NEDD9: variants seen among roughly 807,000 people sequenced by gnomAD.
The protein encoded by NEDD9 is enhancer of filamentation 1.
NEDD9 carries 26 observed loss-of-function variants against 76.6 expected under a neutral mutation model. The observed-to-expected ratio is 0.34, with a 90% CI of 0.25 to 0.47. The LOEUF is 0.47. Ranked by LOEUF, NEDD9 falls within the 20% of genes least tolerant of loss-of-function variation. The pLI is 1.00. For missense variants in NEDD9, 937 were observed against 1,058.5 expected (o/e 0.89, Z 1.59); for synonymous variants, 392 against 414.2 (o/e 0.95, Z 0.65).
Position 11,355,977 on chromosome 6 carries a change from T to C in NEDD9, c.-213-21416A>G, listed in dbSNP as rs1295323077. Among the ~76,000 whole-genome samples the C allele has an allele frequency of 2.6e-5, 4 of 152,284 alleles. No individual in the cohort carries two copies. In the East Asian group the frequency reaches 7.7e-4, roughly 29 times the overall value. On this transcript the variant is annotated intron_variant, in intron 1 of 3. Coordinates refer to the NEDD9 transcript ENST00000397378. ...ACCTCGTGATCTGCCCACCTTGGCC[T>C]CCCAAAGTCCTGGGATTGCAGGCGT...
intron 6 of NEDD9, among the ~76,000 whole-genome samples, chr6:11,187,547 AAG>A (rs151140554): frequency 1.7e-4 from 25 of 150,272 alleles, no homozygotes; most frequent in Middle Eastern, 3.4e-3. Context: ...TAGAGACAGA[AAG>A]AGAGAGAGAG....
intron 1 of NEDD9, among the ~76,000 whole-genome samples, chr6:11,347,525 T>C (rs930026390): frequency 6.6e-6 from 1 of 152,144 alleles, no homozygotes; most frequent in Non-Finnish European, 1.5e-5. Flanking sequence ...ATATCCTTGA[T>C]GAACATTGAT....
At chr6:11,354,963 C>T (rs764081041) in intron 1 of NEDD9, among the ~76,000 whole-genome samples, 1 of 152,202 alleles carries the variant, frequency 6.6e-6, no homozygotes, top group African/African-American at 2.4e-5. Context: ...TGAGGTGGAG[C>T]CCCTGTATCC....
chr6:11,231,610 T>G (rs1338793868), intron 1 of NEDD9, among the ~76,000 whole-genome samples: 1 of 152,232 alleles, frequency 6.6e-6, no homozygotes, highest in Non-Finnish European at 1.5e-5. Context: ...CTCATGTCTA[T>G]TCATCATTCA....
chr6:11,265,659 G>A (rs1254738130), intron 3 of NEDD9, among the ~76,000 whole-genome samples: 1 of 152,164 alleles, frequency 6.6e-6, no homozygotes, highest in Non-Finnish European at 1.5e-5. Flanking sequence ...TGGAGAGCAA[G>A]GAATCAGGGG....
chr6:11,198,205 A>G lies in NEDD9; in HGVS notation c.460-4513T>C, dbSNP rs182032709. ...GAAACCTGGTTTTCAAAATTGACTT[A>G]AATTTTAAAAACAGTGTCTTGGCCA... On this transcript the variant is annotated intron_variant, in intron 2 of 6. Coordinates refer to ENST00000379446, the MANE Select transcript of NEDD9 (RefSeq NM_006403.4). This position sits in a 1 kb window ranked among gnomAD's most constrained non-coding sequence, Gnocchi z 4.7. 3.9e-4 allele frequency: 60 copies of G among 152,324 alleles called. No individual in the cohort carries two copies. The highest frequency in any genetic ancestry group is 1.4e-3 in the African/African-American group (59 of 41,580). 9.4% of individuals were successfully genotyped at this position (152,324 alleles called of 1,614,324 possible). A position where few individuals can be genotyped will look rare whatever the true frequency, so the allele number is the denominator to read the frequency against.
intron 3 of NEDD9, chr6:11,271,831 AGCT>A (rs1760314252): frequency 6.6e-6 from 1 of 152,120 alleles, no homozygotes; most frequent in African/African-American, 2.4e-5. Flanking sequence ...CATTTTCTCC[AGCT>A]GTTGTTGGTA....
rs77754810 is a variant in NEDD9 at position 11,332,171 on chromosome 6, T to C, written c.-153+2330A>G. Among the ~76,000 whole-genome samples the C allele has an allele frequency of 4.2e-3, 638 of 152,334 alleles. 7 individuals are homozygous for C. Among genetic ancestry groups the C allele is most frequent in the African/African-American group, 0.015 (607 of 41,576 alleles). ...CCCTAAGAGGAAAAGTAAGGCAAGATCTATGAAATGTCCTTGATCTTTTTG... is the reference window on the plus strand; with the variant it reads ...CCCTAAGAGGAAAAGTAAGGCAAGACCTATGAAATGTCCTTGATCTTTTTG... On this transcript the variant is annotated intron_variant, in intron 2 of 3. Coordinates refer to the NEDD9 transcript ENST00000397378.
intron 3 of NEDD9, among the ~76,000 whole-genome samples, chr6:11,280,050 T>C (rs1468040956): frequency 5.9e-5 from 9 of 152,180 alleles, no homozygotes. Context: ...TCATTCTTCA[T>C]GGTGGGGGCT....
At chr6:11,318,155 A>G (rs1225608939) in intron 2 of NEDD9, among the ~76,000 whole-genome samples, 1 of 152,206 alleles carries the variant, frequency 6.6e-6, no homozygotes, top group Non-Finnish European at 1.5e-5. Context: ...AGACGCAGAC[A>G]GGAACCACAC....
Position 11,205,202 on chromosome 6 carries a change from C to A in NEDD9, c.459+8079G>T, listed in dbSNP as rs546724848. On this transcript the variant is annotated intron_variant, in intron 2 of 6. Transcript: ENST00000379446. ...TCAGCAAGTGAATTTCCTTCTCAGACCTCAGTTCCCTCCTCTGAACAGCAA... is the reference window on the plus strand; with the variant it reads ...TCAGCAAGTGAATTTCCTTCTCAGAACTCAGTTCCCTCCTCTGAACAGCAA... Among the ~76,000 whole-genome samples, 134 of 152,336 alleles carry A rather than the reference C, an allele frequency of 8.8e-4. 1 individual carries two copies. In the South Asian group the frequency reaches 0.023, roughly 26 times the overall value.
At chr6:11,374,710 C>G (rs549426244) in intron 1 of NEDD9, among the ~76,000 whole-genome samples, 14 of 152,324 alleles carry the variant, frequency 9.2e-5, no homozygotes, top group African/African-American at 3.1e-4. Context: ...CAGGATCAAG[C>G]AAAGTGATGG....
chr6:11,315,957 A>G (rs1761542552), intron 2 of NEDD9, among the ~76,000 whole-genome samples: 1 of 152,236 alleles, frequency 6.6e-6, no homozygotes, highest in Admixed American at 6.5e-5. Flanking sequence ...GGTAAAAGGC[A>G]GGGTTATAAG....
chr6:11,332,614 GT>G (rs1561838161), intron 2 of NEDD9, among the ~76,000 whole-genome samples: 1 of 152,210 alleles, frequency 6.6e-6, no homozygotes, highest in Admixed American at 6.5e-5. Context: ...TTTGCACTCT[GT>G]GCTTAACTTG....
At chr6:11,357,242 A>G (rs1424832015) in intron 1 of NEDD9, among the ~76,000 whole-genome samples, 2 of 152,064 alleles carry the variant, frequency 1.3e-5, no homozygotes, top group Non-Finnish European at 2.9e-5. Flanking sequence ...TAAACTTGTC[A>G]TTATCCCTCT....
chr6:11,381,596 A>G (rs764049787), intron 1 of NEDD9, among the ~76,000 whole-genome samples: 1 of 152,230 alleles, frequency 6.6e-6, no homozygotes, highest in Non-Finnish European at 1.5e-5. Context: ...CAGGGAGAAC[A>G]CAGTGTGCTG....
rs7756089 is a variant in NEDD9 at position 11,241,392 on chromosome 6, T to A, written c.13-27665A>T. 0.13 allele frequency among the ~76,000 whole-genome samples: 19,358 copies of A among 152,164 alleles called. 1,899 individuals carry two copies. Among genetic ancestry groups the A allele is most frequent in the East Asian group, 0.56 (2,868 of 5,160 alleles). On this transcript the variant is annotated intron_variant, in intron 3 of 3. Transcript: ENST00000397378. This position sits in a 1 kb window ranked among gnomAD's most constrained non-coding sequence, Gnocchi z 4.0. ...TCCTACTTGCCATGGCATGACATCA[T>A]GTGATATGATGCGACTTTGTAGCCC... is the stretch of plus-strand genomic sequence containing the variant.
intron 3 of NEDD9, among the ~76,000 whole-genome samples, chr6:11,260,436 G>A (rs1230406390): frequency 2.6e-5 from 4 of 152,118 alleles, no homozygotes; most frequent in South Asian, 2.1e-4. Context: ...TCTGAGTCTC[G>A]ACTTGCCCAT....
rs541172000 is a variant in NEDD9 at position 11,314,609 on chromosome 6, C to T, written c.-152-8454G>A. On this transcript the variant is annotated intron_variant, in intron 2 of 3. Transcript: ENST00000397378. ...ATCCACTTCATTTCCTACACTGAGG[C>T]TTGTGGACCATCCAGTCTATGTTTT... is the stretch of plus-strand genomic sequence containing the variant. Among the ~76,000 whole-genome samples the T allele has an allele frequency of 2.0e-5, 3 of 152,322 alleles. No homozygotes were observed. In the East Asian group the frequency reaches 5.8e-4, roughly 29 times the overall value.
Sources: allele counts gnomAD v4.1 joint callset (sites outside exome capture counted in the v4.1 genomes callset), GRCh38; gene constraint gnomAD v4.1.1; non-coding constraint Gnocchi (gnomAD v3.1); transcripts MANE v1.5; gene names NCBI Gene and HGNC (gene_info 2026-07-23, HGNC 2026-07-21).